The following FCHSD2 variants were observed in gnomAD, a reference collection of about 807,000 sequenced individuals.
The protein encoded by FCHSD2 is F-BAR and double SH3 domains protein 2.
FCHSD2 carries 38 observed loss-of-function variants against 108.1 expected under a neutral mutation model. The observed-to-expected ratio is 0.35, with a 90% CI of 0.27 to 0.46. The LOEUF (loss-of-function observed/expected upper bound fraction) is 0.46. Ranked by LOEUF, FCHSD2 falls within the 20% of genes least tolerant of loss-of-function variation. FCHSD2 has a pLI of 1.00. For missense variants in FCHSD2, 751 were observed against 897.8 expected (o/e 0.84, Z 2.09); for synonymous variants, 279 against 314.7 (o/e 0.89, Z 1.20).
chr11:72,930,177 G>T (rs1856160482), intron 8 of FCHSD2, among the ~76,000 whole-genome samples: 1 of 152,192 alleles, frequency 6.6e-6, no homozygotes, highest in South Asian at 2.1e-4. Context: ...GTTGCTCCAT[G>T]AATGTAATTC....
At chr11:73,089,473 C>A (rs1181955079) in intron 2 of FCHSD2, among the ~76,000 whole-genome samples, 2 of 152,144 alleles carry the variant, frequency 1.3e-5, no homozygotes, top group East Asian at 3.8e-4. Flanking sequence ...CACACAAAAA[C>A]TGGTAAATGA....
At position 73,141,945 on chromosome 11, in the gene FCHSD2, G is replaced by A; in HGVS notation, c.-68C>T. 1 of 1,466,048 alleles carries A rather than the reference G, an allele frequency of 6.8e-7. No individual in the cohort carries two copies. The highest frequency in any genetic ancestry group is 9.2e-7 in the Non-Finnish European group (1 of 1,086,112). 90.8% of individuals were successfully genotyped at this position (1,466,048 alleles called of 1,614,324 possible). ...AAGGACCAGGAGGAGGAGGAGGGCC[G>A]GAGAGGAGGGGACGGCCCAGCGAGC... On this transcript the variant is annotated 5_prime_UTR_variant, in exon 1 of 20. Transcript: ENST00000409418.
intron 10 of FCHSD2, among the ~76,000 whole-genome samples, chr11:72,900,011 T>G (rs1430838847): frequency 6.6e-6 from 1 of 152,138 alleles, no homozygotes; most frequent in Non-Finnish European, 1.5e-5. Flanking sequence ...AGCTCTAAGG[T>G]TCTCTCCAGC....
chr11:72,882,045 T>C (rs1434714393), intron 12 of FCHSD2, among the ~76,000 whole-genome samples: 2 of 152,024 alleles, frequency 1.3e-5, no homozygotes, highest in East Asian at 3.9e-4. Context: ...GTTGGGAGGC[T>C]GAGGCGGGAG....
rs117946797 is a variant in FCHSD2 at position 73,015,267 on chromosome 11, C to T, written c.242+542G>A. Among the ~76,000 whole-genome samples, 3 of 152,292 alleles carry T rather than the reference C, an allele frequency of 2.0e-5. No individual in the cohort carries two copies. In the East Asian group the frequency reaches 5.8e-4, roughly 29 times the overall value. On this transcript the variant is annotated intron_variant, in intron 4 of 19. Transcript: ENST00000409418. ...TCGTATGTGGGATATTAACTAGCCACGTCTAAATCTTTTGTTTATATTCAA... is the reference window on the plus strand; with the variant it reads ...TCGTATGTGGGATATTAACTAGCCATGTCTAAATCTTTTGTTTATATTCAA...
At chr11:73,000,961 G>A (rs1857614012) in intron 5 of FCHSD2, 29 bp downstream of exon 5, 1 of 1,562,936 alleles carries the variant, frequency 6.4e-7, no homozygotes, top group Non-Finnish European at 8.7e-7. Flanking sequence ...ATATTAAAAT[G>A]CATATAAGAA....
chr11:73,126,609 A>G (rs1254853977), intron 2 of FCHSD2, among the ~76,000 whole-genome samples: 2 of 145,736 alleles, frequency 1.4e-5, no homozygotes, highest in African/African-American at 5.6e-5. Flanking sequence ...AACTTTTATA[A>G]TATCTGTTAA....
intron 2 of FCHSD2, among the ~76,000 whole-genome samples, chr11:73,092,252 C>G: frequency 6.6e-6 from 1 of 151,988 alleles, no homozygotes; most frequent in East Asian, 1.9e-4. Context: ...CTTAGCCTCC[C>G]AAGTAGCTGG....
intron 3 of FCHSD2, among the ~76,000 whole-genome samples, chr11:73,058,254 C>T (rs770804477): frequency 3.3e-5 from 5 of 152,124 alleles, no homozygotes; most frequent in Non-Finnish European, 7.4e-5. Flanking sequence ...GCTACAGCAA[C>T]CTGGCATTAA....
At position 72,972,065 on chromosome 11, in the gene FCHSD2, AAG is replaced by A. The variant is rs1198300323; in HGVS notation, c.705+12021_705+12022del. Reference sequence around the variant, plus strand: ...TGTACCTCAATAAAATTGATTTAAAAAGAGTTAATCTCTTTAAAATTTTCTTC... The same window carrying A: ...TGTACCTCAATAAAATTGATTTAAAAAGTTAATCTCTTTAAAATTTTCTTC... On this transcript the variant is annotated intron_variant, in intron 8 of 19. Transcript: ENST00000409418. Among the ~76,000 whole-genome samples the A allele has an allele frequency of 4.6e-5, 7 of 152,160 alleles. No individual in the cohort carries two copies. The East Asian group carries it at 5.8e-4, about 13-fold the overall frequency.
intron 3 of FCHSD2, among the ~76,000 whole-genome samples, chr11:73,074,322 C>G (rs1017308579): frequency 6.6e-6 from 1 of 152,194 alleles, no homozygotes; most frequent in Non-Finnish European, 1.5e-5. Context: ...GAATAAAACT[C>G]TGTATGTGCA....
rs1252080202 is a variant in FCHSD2, at chr11:72,887,543, G to A, written c.1073C>T (p.Ala358Val). ...CTCTGCTCGGCTTTGTTCTGATACA[G>A]CAGCTCCATGACACTCCAGATCATT... ...VLNDLECHGA[A>V]VSEQSRAELE... The change falls in exon 12 of 20, where the codon GCT (alanine) becomes GTT (valine). Residue 358 changes from alanine to valine, a missense_variant. Physicochemically the swap from Ala to Val is moderately conservative, Grantham distance 64. Coordinates refer to ENST00000409418, the MANE Select transcript of FCHSD2 (RefSeq NM_014824.3). 6.3e-7 allele frequency: 1 copy of A among 1,598,010 alleles called. No individual in the cohort carries two copies. The highest frequency in any genetic ancestry group is 1.1e-5 in the South Asian group (1 of 87,876).
At position 72,970,733 on chromosome 11, in the gene FCHSD2, T is replaced by C. The variant is rs143899766; in HGVS notation, c.705+13355A>G. 8.3e-3 allele frequency among the ~76,000 whole-genome samples: 1,258 copies of C among 152,320 alleles called. 19 individuals carry two copies. The highest frequency in any genetic ancestry group is 0.029 in the African/African-American group (1,202 of 41,550). Reference sequence around the variant, plus strand: ...GCCTGGTGAGATGCGAATTCTTCTATGAAGAAAAGACTTCCATGAAGAAAG... The same window carrying C: ...GCCTGGTGAGATGCGAATTCTTCTACGAAGAAAAGACTTCCATGAAGAAAG... On this transcript the variant is annotated intron_variant, in intron 8 of 19. Transcript: ENST00000409418.
intron 6 of FCHSD2, among the ~76,000 whole-genome samples, chr11:72,985,517 T>C (rs1422703023): frequency 6.6e-6 from 1 of 152,244 alleles, no homozygotes; most frequent in Non-Finnish European, 1.5e-5. Context: ...AATCAACCTA[T>C]GGAGGCAAGC....
intron 3 of FCHSD2, among the ~76,000 whole-genome samples, chr11:73,074,163 T>A (rs946794776): frequency 1.3e-5 from 2 of 152,188 alleles, no homozygotes; most frequent in African/African-American, 4.8e-5. Context: ...CACAGTTAAC[T>A]AATGTGCCAC....
At position 72,965,111 on chromosome 11, in the gene FCHSD2, A is replaced by G. The variant is rs185174560; in HGVS notation, c.705+18977T>C. ...GCCAATCATTTTACTTCTTAATTCA[A>G]AGGTCTTTGATAGATCCCCATTGCC... On this transcript the variant is annotated intron_variant, in intron 8 of 19. Transcript: ENST00000409418. Among the ~76,000 whole-genome samples the G allele has an allele frequency of 2.9e-3, 439 of 152,178 alleles. 3 individuals carry two copies. Among genetic ancestry groups the G allele is most frequent in the African/African-American group, 0.01 (426 of 41,516 alleles).
At chr11:72,873,586 G>A (rs1854908592) in intron 12 of FCHSD2, among the ~76,000 whole-genome samples, 1 of 152,084 alleles carries the variant, frequency 6.6e-6, no homozygotes. Context: ...AAATTTTGAT[G>A]ATGTCTAATT....
chr11:73,101,226 T>C (rs770602838), intron 2 of FCHSD2, among the ~76,000 whole-genome samples: 5 of 152,206 alleles, frequency 3.3e-5, no homozygotes, highest in Non-Finnish European at 5.9e-5. Flanking sequence ...AGCAGATAAA[T>C]GCCATCTCAG....
chr11:72,959,162 A>G (rs1856773172), intron 8 of FCHSD2, among the ~76,000 whole-genome samples: 1 of 150,104 alleles, frequency 6.7e-6, no homozygotes, highest in Non-Finnish European at 1.5e-5. Flanking sequence ...CCCATTTTAG[A>G]AATTTCAATC....
Sources: allele counts gnomAD v4.1 joint callset (sites outside exome capture counted in the v4.1 genomes callset), GRCh38; gene constraint gnomAD v4.1.1; transcripts MANE v1.5; gene names NCBI Gene and HGNC (gene_info 2026-07-23, HGNC 2026-07-21).